The following BCKDHB variants were observed in gnomAD, a reference collection of about 807,000 sequenced individuals.
BCKDHB encodes the protein branched chain keto acid dehydrogenase E1 subunit beta.
Under a neutral mutation model 48.5 loss-of-function variants are expected in BCKDHB, and 41 were observed. That is an observed-to-expected ratio of 0.85 (90% CI 0.66 to 1.10). BCKDHB has a LOEUF of 1.10. Ranked by LOEUF, BCKDHB falls within the 50% of genes least tolerant of loss-of-function variation. The pLI, the probability that BCKDHB is intolerant of heterozygous loss-of-function variation, is 0.00. For missense variants in BCKDHB, 496 were observed against 494.2 expected, an observed-to-expected ratio of 1.00 and a Z score of -0.03; for synonymous variants, 201 against 174.8, an observed-to-expected ratio of 1.15 and a Z score of -1.18.
chr6:80,353,612 T>C, the BCKDHB span, among the ~76,000 whole-genome samples: 1 of 152,158 alleles, frequency 6.6e-6, no homozygotes. Flanking sequence ...CCCAGCACTT[T>C]GGGAGGCTGA....
At chr6:80,395,780 G>A in the BCKDHB span, among the ~76,000 whole-genome samples, 2 of 152,154 alleles carry the variant, frequency 1.3e-5, no homozygotes, top group African/African-American at 4.8e-5. Flanking sequence ...AGGCCGAGGA[G>A]GGAAAAATGG....
chr6:80,158,525 T>C (rs913478645), intron 3 of BCKDHB, among the ~76,000 whole-genome samples: 2 of 152,120 alleles, frequency 1.3e-5, no homozygotes, highest in African/African-American at 2.4e-5. Flanking sequence ...ACCATAAAAA[T>C]AGTGCTGCTT....
At chr6:80,291,724 A>G (rs1270876191) in intron 9 of BCKDHB, among the ~76,000 whole-genome samples, 1 of 152,156 alleles carries the variant, frequency 6.6e-6, no homozygotes. Flanking sequence ...GTTAGTCTAA[A>G]TTGTAGGAAA....
the BCKDHB span, among the ~76,000 whole-genome samples, chr6:80,415,818 A>C: frequency 6.6e-6 from 1 of 151,540 alleles, no homozygotes; most frequent in African/African-American, 2.4e-5. Context: ...TTCTTTCTCA[A>C]TTTTTTGGTC....
chr6:80,448,927 G>A, the BCKDHB span, among the ~76,000 whole-genome samples: 1 of 151,994 alleles, frequency 6.6e-6, no homozygotes, highest in Non-Finnish European at 1.5e-5. Context: ...TGTACCCCCT[G>A]AATTTAAAAT....
intron 3 of BCKDHB, among the ~76,000 whole-genome samples, chr6:80,162,521 A>G (rs1241306064): frequency 6.6e-6 from 1 of 152,056 alleles, no homozygotes; most frequent in African/African-American, 2.4e-5. Flanking sequence ...GATCATTCCC[A>G]TCAGCCTGCA....
intron 8 of BCKDHB, among the ~76,000 whole-genome samples, chr6:80,239,956 G>A (rs985361678): frequency 1.3e-5 from 2 of 152,112 alleles, no homozygotes; most frequent in Admixed American, 6.6e-5. Flanking sequence ...TGTTCCATTG[G>A]TCTATATCTC....
At chr6:80,146,660 T>G (rs1376725147) in intron 3 of BCKDHB, among the ~76,000 whole-genome samples, 1 of 152,128 alleles carries the variant, frequency 6.6e-6, no homozygotes, top group Non-Finnish European at 1.5e-5. Flanking sequence ...CAGCCTGGTT[T>G]ACATTAAAGA....
chr6:80,326,022 A>G (rs1004118054), intron 9 of BCKDHB, among the ~76,000 whole-genome samples: 3 of 152,046 alleles, frequency 2.0e-5, no homozygotes, highest in East Asian at 1.9e-4. Context: ...GGAAATCTCA[A>G]TACAGGTTGG....
intron 8 of BCKDHB, among the ~76,000 whole-genome samples, chr6:80,234,443 G>T (rs1776062921): frequency 6.6e-6 from 1 of 152,144 alleles, no homozygotes; most frequent in African/African-American, 2.4e-5. Flanking sequence ...TATAAATATA[G>T]ATTGGGATAA....
rs146299209 is a variant in BCKDHB at position 80,223,668 on chromosome 6, G to A, written c.951+20456G>A. Among the ~76,000 whole-genome samples, 255 of 152,272 alleles carry A rather than the reference G, an allele frequency of 1.7e-3. 1 individual carries two copies. Among genetic ancestry groups the A allele is most frequent in the African/African-American group, 5.9e-3 (245 of 41,552 alleles). On this transcript the variant is annotated intron_variant, in intron 8 of 9. Coordinates refer to ENST00000320393, the MANE Select transcript of BCKDHB (RefSeq NM_183050.4). The stretch of plus-strand genomic sequence containing the variant: ...AGCTGGATTGGTGGGCAGGAAAAAA[G>A]GAGGCGATTAATCCTCCATTTCTGT...
chr6:80,354,418 G>A, the BCKDHB span, among the ~76,000 whole-genome samples: 3 of 152,036 alleles, frequency 2.0e-5, no homozygotes, highest in East Asian at 1.9e-4. Context: ...TAGTAGAGAC[G>A]GGGTTTCACT....
chr6:80,279,329 AT>A (rs1778102577), intron 9 of BCKDHB, among the ~76,000 whole-genome samples: 1 of 151,526 alleles, frequency 6.6e-6, no homozygotes, highest in African/African-American at 2.4e-5. Flanking sequence ...AATTTTTTGT[AT>A]TTCTAGTAGA....
At chr6:80,195,458 AAGG>A (rs1371477492) in intron 6 of BCKDHB, among the ~76,000 whole-genome samples, 3 of 152,208 alleles carry the variant, frequency 2.0e-5, no homozygotes, top group Non-Finnish European at 4.4e-5. Context: ...TCAAAGCTGA[AAGG>A]AGATTACTAA....
In BCKDHB at chr6:80,111,201, T is replaced by C. The variant is rs181048331; in HGVS notation, c.196+4312T>C. Among the ~76,000 whole-genome samples the C allele has an allele frequency of 5.7e-3, 873 of 152,296 alleles. 10 individuals are homozygous for C. The highest frequency in any genetic ancestry group is 8.8e-3 in the Non-Finnish European group (598 of 68,024). ...GAGGAAAGTTTTCCTACATAAGTAG[T>C]AAGGAAAGAAACTGAATTTGTATTG... On this transcript the variant is annotated intron_variant, in intron 1 of 9. Transcript: ENST00000320393.
chr6:80,292,422 C>T (rs1277769082), intron 9 of BCKDHB, among the ~76,000 whole-genome samples: 4 of 151,880 alleles, frequency 2.6e-5, no homozygotes, highest in Admixed American at 2.0e-4. Flanking sequence ...AGGGAAACTC[C>T]TCTTTATAAA....
At chr6:80,352,243 G>A in the BCKDHB span, among the ~76,000 whole-genome samples, 2 of 151,576 alleles carry the variant, frequency 1.3e-5, no homozygotes, top group African/African-American at 4.8e-5. Flanking sequence ...CGTCCAAAAT[G>A]CTGGGACTAC....
intron 8 of BCKDHB, among the ~76,000 whole-genome samples, chr6:80,231,330 A>G (rs1422589208): frequency 6.6e-6 from 1 of 152,246 alleles, no homozygotes; most frequent in Non-Finnish European, 1.5e-5. Flanking sequence ...AGCTATAAAG[A>G]AAGTATAGAT....
chr6:80,397,095 C>A, the BCKDHB span, among the ~76,000 whole-genome samples: 1 of 152,092 alleles, frequency 6.6e-6, no homozygotes, highest in African/African-American at 2.4e-5. Flanking sequence ...TTTGATTTAG[C>A]TAATTTAAAT....
Sources: allele counts gnomAD v4.1 joint callset (sites outside exome capture counted in the v4.1 genomes callset), GRCh38; gene constraint gnomAD v4.1.1; transcripts MANE v1.5; gene names NCBI Gene and HGNC (gene_info 2026-07-23, HGNC 2026-07-21).